Variants in PDE1C observed in about 807,000 individuals in gnomAD.
PDE1C encodes the protein dual specificity calcium/calmodulin-dependent 3',5'-cyclic nucleotide phosphodiesterase 1C.
PDE1C carries 62 observed loss-of-function variants against 93.1 expected under a neutral mutation model. That is an observed-to-expected ratio of 0.67 (90% CI 0.54 to 0.82). PDE1C has a LOEUF of 0.82. Among genes scored for constraint, PDE1C ranks in the 40% least tolerant of loss-of-function variants. The probability of loss-of-function intolerance (pLI) is 0.00; values close to 1 mark genes in which losing one functional copy is unlikely to be tolerated. For missense variants in PDE1C, 742 were observed against 884.6 expected (o/e 0.84, Z 2.04); for synonymous variants, 325 against 310.1 (o/e 1.05, Z -0.50).
intron 17 of PDE1C, among the ~76,000 whole-genome samples, chr7:31,757,740 A>G (rs1165843171): frequency 1.3e-5 from 2 of 152,208 alleles, no homozygotes; most frequent in African/African-American, 4.8e-5. Context: ...ACAGTGTGGC[A>G]ATTCCTCAAG....
At chr7:31,967,342 A>G (rs1352617063) in intron 2 of PDE1C, among the ~76,000 whole-genome samples, 3 of 152,246 alleles carry the variant, frequency 2.0e-5, no homozygotes, top group African/African-American at 4.8e-5. Flanking sequence ...CTCTACACAA[A>G]TAAACTAGAA....
intron 2 of PDE1C, among the ~76,000 whole-genome samples, chr7:32,176,087 G>C (rs1802965704): frequency 6.6e-6 from 1 of 152,128 alleles, no homozygotes; most frequent in African/African-American, 2.4e-5. Context: ...CTTTGTACTT[G>C]TATGAATTTT....
At chr7:31,859,572 C>T (rs906482838) in intron 7 of PDE1C, among the ~76,000 whole-genome samples, 1 of 151,752 alleles carries the variant, frequency 6.6e-6, no homozygotes, top group East Asian at 1.9e-4. Flanking sequence ...GTAATGGTCT[C>T]ATAGAGAAGT....
intron 7 of PDE1C, among the ~76,000 whole-genome samples, chr7:31,859,810 A>G (rs2128822993): frequency 6.6e-6 from 1 of 152,282 alleles, no homozygotes; most frequent in Admixed American, 6.5e-5. Flanking sequence ...ATGTTTTTCA[A>G]TATACTTTCA....
At chr7:31,888,908 T>G (rs1192492490) in intron 2 of PDE1C, among the ~76,000 whole-genome samples, 1 of 152,142 alleles carries the variant, frequency 6.6e-6, no homozygotes, top group African/African-American at 2.4e-5. Context: ...ATGGTACCAT[T>G]CACAGAAACA....
intron 2 of PDE1C, among the ~76,000 whole-genome samples, chr7:32,203,894 C>CT (rs1562574749): frequency 1.3e-5 from 2 of 151,946 alleles, no homozygotes; most frequent in Non-Finnish European, 2.9e-5. Context: ...ATTCGCTCTC[C>CT]CTGTGGATCT....
At chr7:32,300,692 T>A (rs906018399), upstream of PDE1C, among the ~76,000 whole-genome samples, 1 of 152,258 alleles carries the variant, frequency 6.6e-6, no homozygotes, top group African/African-American at 2.4e-5. Context: ...GATCTTACTA[T>A]GTAGACTGCA....
chr7:32,081,926 G>T (rs1166203699), intron 3 of PDE1C, among the ~76,000 whole-genome samples: 1 of 152,200 alleles, frequency 6.6e-6, no homozygotes, highest in East Asian at 1.9e-4. Flanking sequence ...AGCTCCCAGA[G>T]TGAGCGACGC....
chr7:31,964,476 A>T (rs1327319347), intron 2 of PDE1C, among the ~76,000 whole-genome samples: 1 of 152,236 alleles, frequency 6.6e-6, no homozygotes, highest in African/African-American at 2.4e-5. Context: ...AACTGGGTGG[A>T]GACCACCACA....
chr7:31,744,422 C>A, the PDE1C span, among the ~76,000 whole-genome samples: 120,036 of 151,980 alleles, frequency 0.79, 47,881 homozygotes, highest in Middle Eastern at 0.86. Context: ...ATTCATCCAG[C>A]TAAAAACTAC....
In PDE1C at chr7:32,009,947, T is replaced by G. The variant is rs1786848339; in HGVS notation, c.128+41607A>C. 2.0e-5 allele frequency among the ~76,000 whole-genome samples: 3 copies of G among 152,204 alleles called. No homozygotes were observed. The South Asian group carries it at 6.2e-4, about 31-fold the overall frequency. On this transcript the variant is annotated intron_variant, in intron 2 of 17. Transcript: ENST00000396191. ...ACCATCTATAGTCATATAAAAAATC[T>G]GAAATGCTAATAAATCTAACAAGAG...
chr7:32,143,291 T>C (rs1435255188), intron 3 of PDE1C, among the ~76,000 whole-genome samples: 1 of 150,886 alleles, frequency 6.6e-6, no homozygotes, highest in African/African-American at 2.4e-5. Flanking sequence ...AGAGCTGAAC[T>C]ATAAGATCAT....
rs141120554 is a variant in PDE1C at position 31,843,998 on chromosome 7, G to A, written c.980+3970C>T. The stretch of plus-strand genomic sequence containing the variant: ...ATTTAAAAATCCTGCAACAGTATAG[G>A]TCCATTTACTAACATTAACTGGTCT... On this transcript the variant is annotated intron_variant, in intron 9 of 17. Coordinates refer to ENST00000396191, the MANE Select transcript of PDE1C (RefSeq NM_001191057.4). Among the ~76,000 whole-genome samples the A allele has an allele frequency of 8.1e-3, 1,229 of 151,602 alleles. 2 individuals carry two copies. Among genetic ancestry groups the A allele is most frequent in the Admixed American group, 0.014 (208 of 15,222 alleles).
intron 1 of PDE1C, among the ~76,000 whole-genome samples, chr7:32,263,330 C>A (rs1810345437): frequency 6.6e-6 from 1 of 152,070 alleles, no homozygotes; most frequent in Non-Finnish European, 1.5e-5. Context: ...CCCTCCTCCC[C>A]CTGCATATAT....
intron 1 of PDE1C, among the ~76,000 whole-genome samples, chr7:32,425,402 A>C (rs990301766): frequency 3.3e-5 from 5 of 152,184 alleles, no homozygotes; most frequent in African/African-American, 4.8e-5. Flanking sequence ...CAAAATATAG[A>C]AATTGAATAA....
intron 2 of PDE1C, among the ~76,000 whole-genome samples, chr7:32,199,469 C>T (rs1804852842): frequency 6.6e-6 from 1 of 152,166 alleles, no homozygotes; most frequent in South Asian, 2.1e-4. Flanking sequence ...CATTCTTTTA[C>T]ATCCACCATT....
At chr7:32,387,812 C>T (rs1289807523) in intron 1 of PDE1C, among the ~76,000 whole-genome samples, 3 of 143,186 alleles carry the variant, frequency 2.1e-5, no homozygotes, top group African/African-American at 5.4e-5. Context: ...GGGGGCTGAC[C>T]CCCACCACCT....
At chr7:31,655,816 C>T in the PDE1C span, 3 of 985,460 alleles carry the variant, frequency 3.0e-6, no homozygotes, top group East Asian at 3.4e-4. Flanking sequence ...TCCATGTAGA[C>T]TCCGAGCTCT....
At chr7:31,963,266 C>T (rs1809310839) in intron 2 of PDE1C, among the ~76,000 whole-genome samples, 1 of 152,086 alleles carries the variant, frequency 6.6e-6, no homozygotes, top group Non-Finnish European at 1.5e-5. Context: ...GTGGGAAATT[C>T]ATTGTACGAT....
Sources: allele counts gnomAD v4.1 joint callset (sites outside exome capture counted in the v4.1 genomes callset), GRCh38; gene constraint gnomAD v4.1.1; transcripts MANE v1.5; gene names NCBI Gene and HGNC (gene_info 2026-07-23, HGNC 2026-07-21).